PDE1A: variants seen among roughly 807,000 people sequenced by gnomAD.
PDE1A encodes dual specificity calcium/calmodulin-dependent 3',5'-cyclic nucleotide phosphodiesterase 1A.
In PDE1A, 35 loss-of-function variants were observed where a neutral mutation model predicts 61.7. That is an observed-to-expected ratio of 0.57 (90% CI 0.43 to 0.75). PDE1A has a LOEUF of 0.75. Ranked by LOEUF, PDE1A falls within the 30% of genes least tolerant of loss-of-function variation. The pLI is 0.00. For synonymous variants in PDE1A, 232 were observed against 213.2 expected, an observed-to-expected ratio of 1.09 and a Z score of -0.77; for missense variants, 597 against 630.6, an observed-to-expected ratio of 0.95 and a Z score of 0.57.
chr2:182,640,908 C>A, the PDE1A span, among the ~76,000 whole-genome samples: 1 of 150,572 alleles, frequency 6.6e-6, no homozygotes. Context: ...TAATCCCAGC[C>A]ACCTGGGAGG....
At chr2:182,627,142 A>AAT in the PDE1A span, among the ~76,000 whole-genome samples, 6 of 28,632 alleles carry the variant, frequency 2.1e-4, no homozygotes, top group African/African-American at 6.1e-4. Context: ...ATAAAATATA[A>AAT]ATATTATTTA....
At chr2:182,618,017 G>A in the PDE1A span, among the ~76,000 whole-genome samples, 2 of 152,154 alleles carry the variant, frequency 1.3e-5, no homozygotes, top group Non-Finnish European at 2.9e-5. Flanking sequence ...TAGCAGCAAA[G>A]AAACTCCAGT....
chr2:182,390,453 G>C (rs754817240), intron 1 of PDE1A, among the ~76,000 whole-genome samples: 12 of 152,160 alleles, frequency 7.9e-5, no homozygotes, highest in Non-Finnish European at 1.3e-4. Flanking sequence ...ACCATATGTG[G>C]AGAACCAAGG....
the PDE1A span, among the ~76,000 whole-genome samples, chr2:182,608,555 C>G: frequency 0.92 from 139,967 of 152,252 alleles, 65,425 homozygotes; most frequent in East Asian, 1. Flanking sequence ...CACTCGGAGC[C>G]GCGCCGCACC....
At chr2:182,640,718 G>T in the PDE1A span, among the ~76,000 whole-genome samples, 1 of 151,982 alleles carries the variant, frequency 6.6e-6, no homozygotes, top group East Asian at 1.9e-4. Flanking sequence ...AAAGAATTCT[G>T]AATTATCAGA....
chr2:182,140,843 A>T (rs968444632), exon 15 of PDE1A: 1 of 147,898 alleles, frequency 6.8e-6, no homozygotes. Context: ...TAAATATAAA[A>T]GCTTAAAAGA....
At chr2:182,534,044 CA>C in the PDE1A span, among the ~76,000 whole-genome samples, 3 of 151,626 alleles carry the variant, frequency 2.0e-5, no homozygotes, top group Non-Finnish European at 4.4e-5. Flanking sequence ...TCAAAAAATG[CA>C]AAGTAAAAAA....
rs575731657 is a variant in PDE1A, at chr2:182,355,716, T to C, written c.53+70862A>G. Among the ~76,000 whole-genome samples the C allele has an allele frequency of 9.2e-5, 14 of 152,252 alleles. No individual in the cohort carries two copies. The East Asian group carries it at 2.7e-3, about 29-fold the overall frequency. Reference sequence around the variant, plus strand: ...ATGGTAAAATTTTTAAAAAGGCTTTTAATTAAGGTAGAGTTTTGGCAGCAA... The same window carrying C: ...ATGGTAAAATTTTTAAAAAGGCTTTCAATTAAGGTAGAGTTTTGGCAGCAA... On this transcript the variant is annotated intron_variant, in intron 1 of 13. Transcript: ENST00000351439.
intron 2 of PDE1A, among the ~76,000 whole-genome samples, chr2:182,461,220 C>T (rs1209473466): frequency 1.3e-5 from 2 of 152,068 alleles, no homozygotes; most frequent in African/African-American, 2.4e-5. Flanking sequence ...ATACGAAAAA[C>T]TAAAGTAAAG....
the PDE1A span, among the ~76,000 whole-genome samples, chr2:182,670,412 C>T: frequency 1.3e-5 from 2 of 152,154 alleles, no homozygotes; most frequent in African/African-American, 2.4e-5. Flanking sequence ...CAGAGTGAGA[C>T]CCAGCTATCA....
the PDE1A span, among the ~76,000 whole-genome samples, chr2:182,570,814 T>C: frequency 6.6e-6 from 1 of 152,348 alleles, no homozygotes; most frequent in African/African-American, 2.4e-5. Flanking sequence ...TGTGTATCCA[T>C]ATATTAGACA....
At chr2:182,605,019 G>A in the PDE1A span, among the ~76,000 whole-genome samples, 1 of 131,898 alleles carries the variant, frequency 7.6e-6, no homozygotes, top group Non-Finnish European at 1.6e-5. Flanking sequence ...GTCTCTGGGT[G>A]GGGGCCTGAG....
At chr2:182,687,878 G>A in the PDE1A span, among the ~76,000 whole-genome samples, 1 of 152,202 alleles carries the variant, frequency 6.6e-6, no homozygotes, top group Admixed American at 6.5e-5. Context: ...ACTATGCGAT[G>A]AATGCAAAAG....
the PDE1A span, among the ~76,000 whole-genome samples, chr2:182,672,882 G>A: frequency 6.6e-6 from 1 of 152,068 alleles, no homozygotes; most frequent in South Asian, 2.1e-4. Flanking sequence ...GAATTTTGTG[G>A]CTCATCATGT....
rs1416198423 is a variant in PDE1A, at chr2:182,426,877, C to T, written c.-247G>A. ...ACAGAGCAGGGTGTGCAAAAACCAC[C>T]AAGAGTCACGTTGATCCAGGCAAGA... On this transcript the variant is annotated 5_prime_UTR_variant, in exon 1 of 14. Transcript: ENST00000351439. 6 of 1,289,476 alleles carry T rather than the reference C, an allele frequency of 4.7e-6. No individual in the cohort carries two copies. The Admixed American group carries it at 2.1e-4, about 45-fold the overall frequency. 79.9% of individuals were successfully genotyped at this position (1,289,476 alleles called of 1,614,324 possible). A position where few individuals can be genotyped will look rare whatever the true frequency, so the allele number is the denominator to read the frequency against.
chr2:182,498,966 C>A (rs1220960850), intron 2 of PDE1A, among the ~76,000 whole-genome samples: 4 of 151,082 alleles, frequency 2.6e-5, no homozygotes, highest in African/African-American at 9.7e-5. Flanking sequence ...AAAAAAATGA[C>A]CCTACTAAGG....
intron 3 of PDE1A, among the ~76,000 whole-genome samples, chr2:182,238,279 A>AAAG (rs1553548547): frequency 4.8e-5 from 7 of 144,432 alleles, no homozygotes; most frequent in Admixed American, 1.4e-4. Context: ...AAAAAAAAAA[A>AAAG]AAAGAAAAAG....
intron 2 of PDE1A, among the ~76,000 whole-genome samples, chr2:182,253,504 C>A (rs1385162197): frequency 6.6e-6 from 1 of 152,132 alleles, no homozygotes; most frequent in Non-Finnish European, 1.5e-5. Context: ...AGCATGACAC[C>A]CTTCCTATGA....
intron 1 of PDE1A, among the ~76,000 whole-genome samples, chr2:182,424,991 T>C (rs1703517712): frequency 6.6e-6 from 1 of 152,240 alleles, no homozygotes; most frequent in African/African-American, 2.4e-5. Flanking sequence ...CACAAAGTTC[T>C]ATTTTTTACA....
Sources: allele counts gnomAD v4.1 joint callset (sites outside exome capture counted in the v4.1 genomes callset), GRCh38; gene constraint gnomAD v4.1.1; transcripts MANE v1.5; gene names NCBI Gene and HGNC (gene_info 2026-07-23, HGNC 2026-07-21).